The following ABCB1 variants were observed in gnomAD, a reference collection of about 807,000 sequenced individuals.
The protein encoded by ABCB1 is ATP binding cassette subfamily B member 1, also known as ATP-dependent translocase ABCB1.
Under a neutral mutation model 142.0 loss-of-function variants are expected in ABCB1, and 69 were observed. That is an observed-to-expected ratio of 0.49 (90% CI 0.40 to 0.59). The LOEUF (loss-of-function observed/expected upper bound fraction) is 0.59. Among genes scored for constraint, ABCB1 ranks in the 20% least tolerant of loss-of-function variants. The pLI, the probability that ABCB1 is intolerant of heterozygous loss-of-function variation, is 0.00. For missense variants in ABCB1, 1,326 were observed against 1,554.7 expected, an observed-to-expected ratio of 0.85 and a Z score of 2.47; for synonymous variants, 532 against 539.2, an observed-to-expected ratio of 0.99 and a Z score of 0.18.
intron 25 of ABCB1, among the ~76,000 whole-genome samples, chr7:87,512,507 A>C (rs1368081292): frequency 6.6e-6 from 1 of 152,212 alleles, no homozygotes; most frequent in African/African-American, 2.4e-5. Flanking sequence ...ATTTCAGGTC[A>C]ATGTTTTTCA....
At chr7:87,710,835 C>T (rs972940564) in intron 1 of ABCB1, among the ~76,000 whole-genome samples, 2 of 152,178 alleles carry the variant, frequency 1.3e-5, no homozygotes. Context: ...ACTAAACATA[C>T]ATCTACCTTT....
At chr7:87,573,327 C>A (rs1333363152) in intron 4 of ABCB1, among the ~76,000 whole-genome samples, 6 of 152,208 alleles carry the variant, frequency 3.9e-5, no homozygotes, top group African/African-American at 1.4e-4. Context: ...CCCTTAGTCT[C>A]AGTTACTGAC....
rs529422261 is a variant in ABCB1 at position 87,609,406 on chromosome 7, C to T, written c.-330-8328G>A. On this transcript the variant is annotated intron_variant, in intron 1 of 28. Transcript: ENST00000265724. Reference sequence around the variant, plus strand: ...TGAGCTTGCAAGAGAATGTAGAGGTCATCTTATCCACTTCCTTCACTACTC... The same window carrying T: ...TGAGCTTGCAAGAGAATGTAGAGGTTATCTTATCCACTTCCTTCACTACTC... 1.6e-4 allele frequency among the ~76,000 whole-genome samples: 24 copies of T among 152,262 alleles called. No individual in the cohort carries two copies. In the South Asian group the frequency reaches 4.8e-3, roughly 30 times the overall value.
In ABCB1 at chr7:87,550,285, A is replaced by G. The variant is rs1128503; in HGVS notation, c.1236T>C (p.Gly412=). 901,730 of 1,613,758 alleles carry G rather than the reference A, an allele frequency of 0.56. 256,993 individuals carry two copies. Among genetic ancestry groups the G allele is most frequent in the African/African-American group, 0.81 (60,966 of 74,962 alleles). Residue 412 remains glycine (G), a synonymous_variant, in exon 12 of 28, where the codon GGT becomes GGC. Coordinates refer to ENST00000622132, the MANE Select transcript of ABCB1 (RefSeq NM_001348946.2). ...GCCCACTCTGCACCTTCAGGTTCAG[A>G]CCCTTCAAGATCTACCAGGACGAGT... ...PSRKEVKILK[G]LNLKVQSGQT...
At chr7:87,680,395 G>A (rs1474308258) in intron 1 of ABCB1, among the ~76,000 whole-genome samples, 3 of 150,906 alleles carry the variant, frequency 2.0e-5, no homozygotes, top group East Asian at 2.0e-4. Context: ...GTATCAAAAT[G>A]TGTAGCATGC....
intron 1 of ABCB1, among the ~76,000 whole-genome samples, chr7:87,607,324 A>G (rs2130035709): frequency 6.6e-6 from 1 of 152,314 alleles, no homozygotes; most frequent in East Asian, 1.9e-4. Context: ...TAAGGACTTC[A>G]GTGTCATTCT....
At chr7:87,518,711 T>G (rs1246528216) in intron 23 of ABCB1, among the ~76,000 whole-genome samples, 2 of 152,178 alleles carry the variant, frequency 1.3e-5, no homozygotes, top group Non-Finnish European at 2.9e-5. Flanking sequence ...CTCAGAAAGA[T>G]TACACATACT....
intron 3 of ABCB1, among the ~76,000 whole-genome samples, chr7:87,594,118 T>C (rs895562884): frequency 2.0e-5 from 3 of 152,248 alleles, no homozygotes; most frequent in African/African-American, 7.2e-5. Flanking sequence ...CAATGTTTTC[T>C]ATGTTGACTT....
Position 87,550,161 on chromosome 7 carries a change from G to C in ABCB1, c.1350+10C>G. 1 of 1,614,162 alleles carries C rather than the reference G, an allele frequency of 6.2e-7. No individual in the cohort carries two copies. Among genetic ancestry groups the C allele is most frequent in the Middle Eastern group, 1.6e-4 (1 of 6,062 alleles). On this transcript the variant is annotated intron_variant, in intron 12 of 27. Transcript: ENST00000622132. Reference sequence around the variant, plus strand: ...TCACCGCAGGGTCTAGCTCGCATGGGTCATCTCACCATCCCCTCTGTGGGG... The same window carrying C: ...TCACCGCAGGGTCTAGCTCGCATGGCTCATCTCACCATCCCCTCTGTGGGG...
rs1256766943 is a variant in ABCB1 at position 87,553,750 on chromosome 7, A to G, written c.999+11T>C. On this transcript the variant is annotated intron_variant, in intron 9 of 27. Transcript: ENST00000622132. ...ATAATAATGGTTCATTTCTCAATGT[A>G]AACCACTTACAGTGAGTACTTGTCC... 13 of 1,612,670 alleles carry G rather than the reference A, an allele frequency of 8.1e-6. No individual in the cohort carries two copies. The highest frequency in any genetic ancestry group is 1.1e-5 in the Non-Finnish European group (13 of 1,178,814).
At chr7:87,694,590 A>T (rs1467887302) in intron 1 of ABCB1, among the ~76,000 whole-genome samples, 1 of 152,140 alleles carries the variant, frequency 6.6e-6, no homozygotes. Flanking sequence ...AAGCAATTTT[A>T]TCTGTTTTAT....
intron 1 of ABCB1, among the ~76,000 whole-genome samples, chr7:87,638,833 C>T (rs542322451): frequency 4.6e-5 from 7 of 152,196 alleles, no homozygotes; most frequent in Non-Finnish European, 1.0e-4. Flanking sequence ...TGTTAATTTT[C>T]TCTGTCGACT....
intron 1 of ABCB1, among the ~76,000 whole-genome samples, chr7:87,710,269 A>G (rs989210893): frequency 6.6e-6 from 1 of 152,192 alleles, no homozygotes; most frequent in Non-Finnish European, 1.5e-5. Flanking sequence ...TATATCTTAT[A>G]TAATTACATC....
upstream of ABCB1, among the ~76,000 whole-genome samples, chr7:87,605,473 G>T (rs187124115): frequency 1.6e-4 from 24 of 152,264 alleles, no homozygotes; most frequent in East Asian, 4.2e-3. Context: ...CTCCATTAGA[G>T]AATCATCTCT....
chr7:87,632,989 G>C (rs548453669), intron 1 of ABCB1, among the ~76,000 whole-genome samples: 4 of 152,230 alleles, frequency 2.6e-5, no homozygotes, highest in Admixed American at 2.6e-4. Context: ...AAGCACGGTG[G>C]AGACAAGTGA....
upstream of ABCB1, among the ~76,000 whole-genome samples, chr7:87,601,448 A>G (rs1474004305): frequency 4.0e-4 from 61 of 152,268 alleles, 1 homozygote; most frequent in Non-Finnish European, 2.9e-5. Flanking sequence ...TCAAGGTACA[A>G]ATGCTATTTC....
rs190066311 is a variant in ABCB1 at position 87,588,615 on chromosome 7, C to A, written c.118-2935G>T. Reference sequence around the variant, plus strand: ...CATTTAGGTTGATTCCATGTCTTTGCTATTGTGAATAGTGCTGCAATGAAC... The same window carrying A: ...CATTTAGGTTGATTCCATGTCTTTGATATTGTGAATAGTGCTGCAATGAAC... On this transcript the variant is annotated intron_variant, in intron 3 of 27. Coordinates refer to ENST00000622132, the MANE Select transcript of ABCB1 (RefSeq NM_001348946.2). Among the ~76,000 whole-genome samples the A allele has an allele frequency of 3.3e-5, 5 of 152,304 alleles. No homozygotes were observed. The East Asian group carries it at 9.6e-4, about 29-fold the overall frequency.
intron 23 of ABCB1, among the ~76,000 whole-genome samples, chr7:87,517,511 G>A (rs1043720619): frequency 2.6e-5 from 4 of 151,392 alleles, no homozygotes; most frequent in African/African-American, 4.9e-5. Flanking sequence ...AAGTCCAGCC[G>A]AGATCCACTA....
upstream of ABCB1, among the ~76,000 whole-genome samples, chr7:87,603,524 T>C (rs1819541358): frequency 6.6e-6 from 1 of 152,216 alleles, no homozygotes; most frequent in Non-Finnish European, 1.5e-5. Flanking sequence ...CTATATCATA[T>C]CTAACAGTTT....
Sources: gnomAD v4.1 joint callset for allele counts (sites outside exome capture counted in the v4.1 genomes callset) on GRCh38, gnomAD v4.1.1 for gene constraint, MANE v1.5 for transcripts, NCBI Gene and HGNC (gene_info 2026-07-23, HGNC 2026-07-21) for gene names.